The following PDCD6IP variants were observed in gnomAD, a reference collection of about 807,000 sequenced individuals.
The protein encoded by PDCD6IP is programmed cell death 6 interacting protein, also known as programmed cell death 6-interacting protein.
PDCD6IP carries 43 observed loss-of-function variants against 103.7 expected under a neutral mutation model. The ratio of observed to expected loss-of-function variants is 0.41; its 90% CI spans 0.32 to 0.53. The LOEUF (loss-of-function observed/expected upper bound fraction) is 0.53. Among genes scored for constraint, PDCD6IP ranks in the 20% least tolerant of loss-of-function variants. The probability of loss-of-function intolerance (pLI) is 0.16; values close to 1 mark genes in which losing one functional copy is unlikely to be tolerated. For missense variants in PDCD6IP, 871 were observed against 1,036.7 expected, an observed-to-expected ratio of 0.84 and a Z score of 2.20; for synonymous variants, 354 against 378.7, an observed-to-expected ratio of 0.93 and a Z score of 0.76.
intron 1 of PDCD6IP, among the ~76,000 whole-genome samples, chr3:33,805,851 T>G (rs1347820575): frequency 1.3e-5 from 2 of 152,024 alleles, no homozygotes; most frequent in African/African-American, 4.8e-5. Context: ...TTCACGCCAT[T>G]CTCCTGCCTC....
chr3:33,859,880 T>C (rs1697914535), intron 15 of PDCD6IP, among the ~76,000 whole-genome samples: 3 of 152,226 alleles, frequency 2.0e-5, no homozygotes, highest in Admixed American at 6.5e-5. Context: ...TATGAGCTTA[T>C]TCATTTCTAC....
chr3:33,806,336 GTAT>G (rs1559770641), intron 1 of PDCD6IP, among the ~76,000 whole-genome samples: 1 of 152,006 alleles, frequency 6.6e-6, no homozygotes, highest in African/African-American at 2.4e-5. Flanking sequence ...CTTAAAGGAG[GTAT>G]TATTACTCTT....
At chr3:33,810,255 C>G (rs1307372619) in intron 1 of PDCD6IP, among the ~76,000 whole-genome samples, 2 of 152,082 alleles carry the variant, frequency 1.3e-5, no homozygotes, top group African/African-American at 4.8e-5. Flanking sequence ...GTTTATTTAC[C>G]TCCGAATGGT....
At chr3:33,854,743 T>C (rs1427709906) in intron 14 of PDCD6IP, 1 of 153,016 alleles carries the variant, frequency 6.5e-6, no homozygotes, top group Non-Finnish European at 1.5e-5. Flanking sequence ...TTTGTTTAAA[T>C]AGGTAAGCTG....
intron 11 of PDCD6IP, 105 bp from the exon 12 acceptor site, chr3:33,845,314 G>C: frequency 1.4e-6 from 1 of 718,650 alleles, no homozygotes; most frequent in Non-Finnish European, 2.3e-6. Flanking sequence ...GTCTATAGAA[G>C]GGGAGGATAA....
intron 14 of PDCD6IP, 149 bp from the exon 15 acceptor site, chr3:33,855,017 G>A (rs1411103649): frequency 1.5e-5 from 7 of 467,160 alleles, no homozygotes; most frequent in Non-Finnish European, 2.7e-5. Flanking sequence ...ATATTAAGTT[G>A]TTGGGCCTAG....
Position 33,866,578 on chromosome 3 carries a change from C to A in PDCD6IP, c.*53C>A. On this transcript the variant is annotated 3_prime_UTR_variant, in exon 18 of 18. Coordinates refer to ENST00000307296, the MANE Select transcript of PDCD6IP (RefSeq NM_013374.6). Reference sequence around the variant, plus strand: ...CAGATCAGAGGGAAAGAAATACCAACCCTGCAATAAGTGTACTAAACTCTA... The same window carrying A: ...CAGATCAGAGGGAAAGAAATACCAAACCTGCAATAAGTGTACTAAACTCTA... 1 of 1,406,854 alleles carries A rather than the reference C, an allele frequency of 7.1e-7. No individual in the cohort carries two copies. Among genetic ancestry groups the A allele is most frequent in the Non-Finnish European group, 9.7e-7 (1 of 1,031,480 alleles). 87.1% of individuals were successfully genotyped at this position (1,406,854 alleles called of 1,614,324 possible).
chr3:33,818,676 G>A (rs1040994985), intron 3 of PDCD6IP, among the ~76,000 whole-genome samples: 1 of 151,630 alleles, frequency 6.6e-6, no homozygotes, highest in Admixed American at 6.6e-5. Context: ...GCGCCACCAC[G>A]TCCAGCTAAT....
chr3:33,843,019 A>T (rs748477735), intron 10 of PDCD6IP, among the ~76,000 whole-genome samples: 44 of 152,282 alleles, frequency 2.9e-4, no homozygotes, highest in Middle Eastern at 6.8e-3. Flanking sequence ...CAAACTTAAG[A>T]GGTTTTTTCC....
chr3:33,850,118 A>G (rs1697681391), intron 12 of PDCD6IP, among the ~76,000 whole-genome samples: 1 of 152,192 alleles, frequency 6.6e-6, no homozygotes, highest in Non-Finnish European at 1.5e-5. Context: ...TATATAGATT[A>G]TCTCAGTCTG....
At chr3:33,865,775 G>A (rs902401561) in intron 17 of PDCD6IP, among the ~76,000 whole-genome samples, 7 of 152,054 alleles carry the variant, frequency 4.6e-5, no homozygotes, top group East Asian at 3.9e-4. Flanking sequence ...CCTTGTTTAC[G>A]TCCCTATACT....
At chr3:33,837,416 C>T (rs1269164001) in intron 8 of PDCD6IP, among the ~76,000 whole-genome samples, 1 of 152,152 alleles carries the variant, frequency 6.6e-6, no homozygotes, top group African/African-American at 2.4e-5. Context: ...TCTTTAAGCA[C>T]TTTACAAATA....
At chr3:33,838,628 A>G (rs1379333023) in intron 9 of PDCD6IP, among the ~76,000 whole-genome samples, 1 of 152,070 alleles carries the variant, frequency 6.6e-6, no homozygotes, top group Non-Finnish European at 1.5e-5. Flanking sequence ...AGTGTTCTGA[A>G]CCAATTTTTG....
rs200882224 is a variant in PDCD6IP, at chr3:33,845,488, A to G, written c.1541A>G (p.Gln514Arg). Residue 514 changes from glutamine to arginine, a missense_variant, in exon 12 of 18, where the codon CAG becomes CGG. Physicochemically the swap from Gln to Arg is conservative, Grantham distance 43 (BLOSUM62 1). This residue lies in a region of PDCD6IP where 266 missense variants were observed against 390.5 expected (regional missense o/e 0.68). Coordinates refer to ENST00000307296, the MANE Select transcript of PDCD6IP (RefSeq NM_013374.6). ...QADGQVKECY[Q>R]SHRDTIVLLC... ...GATGGACAAGTGAAAGAATGTTACC[A>G]GTCTCATCGTGACACCATCGTGCTT... 1.2e-6 allele frequency: 2 copies of G among 1,613,860 alleles called. No individual in the cohort carries two copies. Among genetic ancestry groups the G allele is most frequent in the Admixed American group, 3.3e-5 (2 of 60,018 alleles).
chr3:33,848,262 C>T (rs752699835), intron 12 of PDCD6IP, among the ~76,000 whole-genome samples: 2 of 152,188 alleles, frequency 1.3e-5, no homozygotes, highest in Non-Finnish European at 2.9e-5. Flanking sequence ...ACAAAAAACT[C>T]CTCTAGGTTA....
intron 7 of PDCD6IP, among the ~76,000 whole-genome samples, chr3:33,834,368 C>T (rs930905425): frequency 5.3e-5 from 8 of 152,170 alleles, no homozygotes; most frequent in East Asian, 1.9e-4. Context: ...AGCGTACCTA[C>T]GGTTCTGGTA....
At chr3:33,844,015 A>G in intron 10 of PDCD6IP, 97 bp from the exon 11 acceptor site, 1 of 719,778 alleles carries the variant, frequency 1.4e-6, no homozygotes, top group Non-Finnish European at 2.3e-6. Flanking sequence ...CCATCTCACC[A>G]AATTCTCACT....
At chr3:33,857,188 T>A (rs1285586115) in intron 15 of PDCD6IP, among the ~76,000 whole-genome samples, 4 of 144,348 alleles carry the variant, frequency 2.8e-5, no homozygotes, top group Non-Finnish European at 6.1e-5. Flanking sequence ...TAAAAAAAGG[T>A]GATTTTTTTT....
At chr3:33,842,180 A>T in intron 10 of PDCD6IP, 106 bp downstream of exon 10, 1 of 695,274 alleles carries the variant, frequency 1.4e-6, no homozygotes, top group Non-Finnish European at 2.4e-6. Flanking sequence ...TGTAGTTAGT[A>T]TTCATCACTT....
Sources: allele counts gnomAD v4.1 joint callset (sites outside exome capture counted in the v4.1 genomes callset), GRCh38; gene constraint gnomAD v4.1.1; regional missense constraint gnomAD v4.1.1; transcripts MANE v1.5; gene names NCBI Gene and HGNC (gene_info 2026-07-23, HGNC 2026-07-21).